Variants in SLC9A8 observed in about 807,000 individuals in gnomAD.
SLC9A8 encodes solute carrier family 9 member A8, also known as sodium/hydrogen exchanger 8.
In SLC9A8, 48 loss-of-function variants were observed where a neutral mutation model predicts 66.6. The observed-to-expected ratio is 0.72, with a 90% CI of 0.57 to 0.92. SLC9A8 has a LOEUF of 0.92. Among genes scored for constraint, SLC9A8 ranks in the 40% least tolerant of loss-of-function variants. The pLI is 0.00. For synonymous variants in SLC9A8, 274 were observed against 282.6 expected, an observed-to-expected ratio of 0.97 and a Z score of 0.31; for missense variants, 599 against 747.3, an observed-to-expected ratio of 0.80 and a Z score of 2.31.
chr20:49,831,897 T>G (rs2087215310), intron 3 of SLC9A8, among the ~76,000 whole-genome samples: 1 of 152,200 alleles, frequency 6.6e-6, no homozygotes, highest in African/African-American at 2.4e-5. Context: ...ACTGCCACAG[T>G]GGGCGCTTGC....
intron 3 of SLC9A8, among the ~76,000 whole-genome samples, chr20:49,835,947 G>A (rs138175892): frequency 0.086 from 13,053 of 151,996 alleles, 669 homozygotes; most frequent in Middle Eastern, 0.12. Flanking sequence ...TGGGATTACA[G>A]GCATGAGCCA....
At chr20:49,817,008 G>C (rs993235014) in intron 2 of SLC9A8, among the ~76,000 whole-genome samples, 8 of 151,766 alleles carry the variant, frequency 5.3e-5, no homozygotes, top group East Asian at 2.0e-4. Flanking sequence ...GATTACAGGC[G>C]TGAGCCACCA....
In SLC9A8 at chr20:49,844,658, G is replaced by A. The variant is rs1018764968; in HGVS notation, c.349-378G>A. On this transcript the variant is annotated intron_variant, in intron 4 of 15. Coordinates refer to ENST00000361573, the MANE Select transcript of SLC9A8 (RefSeq NM_015266.3). Reference sequence around the variant, plus strand: ...AAAAAAAAAAAAAAAAAATTAGCCCGGCATGGTAGCACGCACATGTAGTCC... The same window carrying A: ...AAAAAAAAAAAAAAAAAATTAGCCCAGCATGGTAGCACGCACATGTAGTCC... 3.5e-4 allele frequency among the ~76,000 whole-genome samples: 50 copies of A among 144,642 alleles called. 1 individual carries two copies. In the South Asian group the frequency reaches 4.5e-3, roughly 13 times the overall value. The allele number at this position is 144,642 out of a possible 152,430, so 94.9% of individuals were successfully genotyped here. A position where few individuals can be genotyped will look rare whatever the true frequency, so the allele number is the denominator to read the frequency against.
chr20:49,853,182 C>T (rs1376651048), intron 7 of SLC9A8, among the ~76,000 whole-genome samples: 2 of 152,206 alleles, frequency 1.3e-5, no homozygotes, highest in African/African-American at 4.8e-5. Context: ...GCCTGCGCTT[C>T]ACTGAGGCTG....
intron 3 of SLC9A8, among the ~76,000 whole-genome samples, chr20:49,838,495 A>G (rs1036505606): frequency 1.3e-5 from 2 of 152,154 alleles, no homozygotes; most frequent in African/African-American, 2.4e-5. Flanking sequence ...TTTTAATACT[A>G]TATAACAATT....
At chr20:49,819,578 A>T (rs886818257) in intron 2 of SLC9A8, among the ~76,000 whole-genome samples, 6 of 151,856 alleles carry the variant, frequency 4.0e-5, no homozygotes, top group African/African-American at 1.2e-4. Context: ...AATTTTAACC[A>T]CTTTAAAATG....
intron 3 of SLC9A8, among the ~76,000 whole-genome samples, chr20:49,835,547 A>G (rs2087496114): frequency 6.6e-6 from 1 of 151,814 alleles, no homozygotes; most frequent in Non-Finnish European, 1.5e-5. Context: ...CCTGGAAACC[A>G]CCAATCTACT....
intron 15 of SLC9A8, among the ~76,000 whole-genome samples, 174 bp from the exon 16 acceptor site, chr20:49,887,655 C>G (rs758951707): frequency 1.3e-5 from 2 of 152,198 alleles, no homozygotes; most frequent in Admixed American, 1.3e-4. Flanking sequence ...CCTCCACCCC[C>G]ACAAAGAACA....
At position 49,862,982 on chromosome 20, in the gene SLC9A8, C is replaced by T. The variant is rs1295632361; in HGVS notation, c.767C>T (p.Thr256Ile). 2 of 1,613,640 alleles carry T rather than the reference C, an allele frequency of 1.2e-6. No individual in the cohort carries two copies. Among genetic ancestry groups the T allele is most frequent in the Non-Finnish European group, 1.7e-6 (2 of 1,179,686 alleles). The change falls in exon 9 of 16, where the codon ACA becomes ATA. Residue 256 changes from threonine (T) to isoleucine (I), a missense_variant. This residue lies in a region of SLC9A8 where 467 missense variants were observed against 626.5 expected (regional missense o/e 0.75). Transcript: ENST00000361573. ...KNMSDVSGWQ[T>I]FLQALDYFLK... Reference sequence around the variant, plus strand: ...ATGTCAGATGTCAGTGGGTGGCAAACATTTTTACAAGCCCTTGACTACTTC... The same window carrying T: ...ATGTCAGATGTCAGTGGGTGGCAAATATTTTTACAAGCCCTTGACTACTTC...
intron 9 of SLC9A8, 59 bp downstream of exon 9, chr20:49,863,126 C>T (rs766787281): frequency 1.6e-4 from 235 of 1,466,974 alleles, no homozygotes; most frequent in Non-Finnish European, 2.1e-4. Flanking sequence ...ACTTCTGTCT[C>T]TAGCCAGTTT....
intron 8 of SLC9A8, among the ~76,000 whole-genome samples, chr20:49,859,582 T>C (rs1243926604): frequency 6.6e-6 from 1 of 152,104 alleles, no homozygotes; most frequent in African/African-American, 2.4e-5. Flanking sequence ...AGAGGTATAC[T>C]TCATAAACGA....
chr20:49,847,008 T>A (rs983953922), intron 5 of SLC9A8, among the ~76,000 whole-genome samples: 1 of 152,198 alleles, frequency 6.6e-6, no homozygotes, highest in Non-Finnish European at 1.5e-5. Flanking sequence ...ATGAGTTAGA[T>A]TTGTCTAGAA....
At chr20:49,823,888 A>G (rs149309049) in intron 3 of SLC9A8, among the ~76,000 whole-genome samples, 199 of 152,306 alleles carry the variant, frequency 1.3e-3, no homozygotes, top group Non-Finnish European at 2.4e-3. Context: ...CTACTTGCCT[A>G]CTGATGGTAT....
At chr20:49,858,626 T>C (rs2088603629) in intron 8 of SLC9A8, among the ~76,000 whole-genome samples, 1 of 151,986 alleles carries the variant, frequency 6.6e-6, no homozygotes, top group African/African-American at 2.4e-5. Context: ...GGAGTCATCG[T>C]TGGTAGCCAG....
intron 4 of SLC9A8, 102 bp downstream of exon 4, chr20:49,839,701 G>A (rs2025958): frequency 0.59 from 382,291 of 646,686 alleles, 117,415 homozygotes; most frequent in African/African-American, 0.86. Context: ...ATATTATTAT[G>A]TTATATATCC....
intron 8 of SLC9A8, among the ~76,000 whole-genome samples, chr20:49,857,687 C>T (rs1465192344): frequency 9.2e-5 from 14 of 152,198 alleles, no homozygotes; most frequent in Non-Finnish European, 2.9e-5. Flanking sequence ...CACTGCATTC[C>T]AGCCCGGGCG....
chr20:49,884,177 T>TCCTCAAA, intron 14 of SLC9A8, 111 bp downstream of exon 14: 1 of 774,688 alleles, frequency 1.3e-6, no homozygotes, highest in Non-Finnish European at 2.2e-6. Flanking sequence ...GCTTTGAGGA[T>TCCTCAAA]GCCCAGCACC....
rs929041627 is a variant in SLC9A8, at chr20:49,822,974, C to A, written c.209-87C>A. On this transcript the variant is annotated intron_variant, in intron 2 of 15. Transcript: ENST00000361573. ...TTGTCCATTTCTGTGAGGACCCCCC[C>A]AGAAATAACCACTGACTTGAACTTG... 4.5e-6 allele frequency: 5 copies of A among 1,107,194 alleles called. No homozygotes were observed. In the African/African-American group the frequency reaches 4.7e-5, roughly 10 times the overall value. 68.6% of individuals were successfully genotyped at this position (1,107,194 alleles called of 1,614,324 possible).
chr20:49,883,501 G>C (rs2089708592), intron 13 of SLC9A8, among the ~76,000 whole-genome samples: 1 of 152,202 alleles, frequency 6.6e-6, no homozygotes, highest in Admixed American at 6.5e-5. Flanking sequence ...GCCCAGGCCT[G>C]GCGCACACAC....
Sources: gnomAD v4.1 joint callset for allele counts (sites outside exome capture counted in the v4.1 genomes callset) on GRCh38, gnomAD v4.1.1 for gene constraint, gnomAD v4.1.1 regional missense constraint, MANE v1.5 for transcripts, NCBI Gene and HGNC (gene_info 2026-07-23, HGNC 2026-07-21) for gene names.